Variants in SH3RF1 observed in about 807,000 individuals in gnomAD.
SH3RF1 encodes the protein E3 ubiquitin-protein ligase SH3RF1.
In SH3RF1, 32 loss-of-function variants were observed where a neutral mutation model predicts 74.0. The ratio of observed to expected loss-of-function variants is 0.43; its 90% CI spans 0.33 to 0.58. SH3RF1 has a LOEUF of 0.58. Among genes scored for constraint, SH3RF1 ranks in the 20% least tolerant of loss-of-function variants. The probability of loss-of-function intolerance (pLI) is 0.05; values close to 1 mark genes in which losing one functional copy is unlikely to be tolerated. For synonymous variants in SH3RF1, 396 were observed against 439.6 expected (o/e 0.90, Z 1.24); for missense variants, 954 against 1,130.9 (o/e 0.84, Z 2.24).
intron 6 of SH3RF1, among the ~76,000 whole-genome samples, chr4:169,126,491 C>T (rs1395928086): frequency 6.6e-6 from 1 of 152,238 alleles, no homozygotes; most frequent in East Asian, 1.9e-4. Context: ...TTCTGCTTAG[C>T]CTCCACCATG....
At chr4:169,246,861 G>A (rs1399600965) in intron 2 of SH3RF1, among the ~76,000 whole-genome samples, 1 of 151,996 alleles carries the variant, frequency 6.6e-6, no homozygotes, top group Non-Finnish European at 1.5e-5. Context: ...ATAATTCCCT[G>A]GTAAATATGA....
intron 2 of SH3RF1, among the ~76,000 whole-genome samples, chr4:169,189,748 A>G (rs2660427): frequency 0.47 from 71,491 of 151,978 alleles, 18,100 homozygotes; most frequent in East Asian, 0.78. Context: ...CGAATCCCCA[A>G]AGTTTAATTT....
At chr4:169,156,332 G>T in intron 3 of SH3RF1, 72 bp downstream of exon 3, 1 of 1,434,392 alleles carries the variant, frequency 7.0e-7, no homozygotes, top group Non-Finnish European at 9.2e-7. Flanking sequence ...AAGGCAACAC[G>T]AGCTATATTT....
At chr4:169,255,614 T>TACACAC (rs1192993515) in intron 2 of SH3RF1, among the ~76,000 whole-genome samples, 7 of 59,162 alleles carry the variant, frequency 1.2e-4, no homozygotes, top group East Asian at 1.1e-3. Flanking sequence ...CACACATACA[T>TACACAC]ACACACATAC....
Position 169,106,991 on chromosome 4 carries a change from A to C in SH3RF1, c.2354T>G (p.Val785Gly). ...ATCCTGGGCCAGGGCTGCTCCTGCC[A>C]CTGCAGTCGTGACCGGTCCGTCCCC... ...VDGDGPVTTA[V>G]AGAALAQDAF... The change falls in exon 11 of 12, where the codon GTG becomes GGG. Residue 785 changes from valine to glycine, a missense_variant. Physicochemically the swap from Val to Gly is moderately radical, Grantham distance 109 (BLOSUM62 -3). Around this residue, in one of 3 missense-constraint regions of SH3RF1, gnomAD observed 854 missense variants for 962.5 expected, o/e 0.89. Coordinates refer to ENST00000284637, the MANE Select transcript of SH3RF1 (RefSeq NM_020870.4). The C allele has an allele frequency of 6.2e-7, 1 of 1,613,958 alleles. No individual in the cohort carries two copies. Among genetic ancestry groups the C allele is most frequent in the South Asian group, 1.1e-5 (1 of 91,088 alleles).
intron 4 of SH3RF1, 152 bp from the exon 5 acceptor site, chr4:169,136,772 C>T (rs1478301594): frequency 1.6e-6 from 1 of 618,372 alleles, no homozygotes; most frequent in Admixed American, 3.8e-5. Flanking sequence ...TGAGATATCT[C>T]TTCTCTCAAT....
At chr4:169,188,912 C>T (rs1179412253) in intron 2 of SH3RF1, among the ~76,000 whole-genome samples, 1 of 152,156 alleles carries the variant, frequency 6.6e-6, no homozygotes, top group Non-Finnish European at 1.5e-5. Flanking sequence ...CAATGTACCA[C>T]TTGTAACTGA....
chr4:169,210,335 A>C (rs901037316), intron 2 of SH3RF1, among the ~76,000 whole-genome samples: 3 of 152,230 alleles, frequency 2.0e-5, no homozygotes, highest in Non-Finnish European at 4.4e-5. Context: ...TCTAATTCAC[A>C]TGAAGACAAA....
At position 169,268,957 on chromosome 4, in the gene SH3RF1, C is replaced by G; in HGVS notation, c.256G>C (p.Gly86Arg). Residue 86 changes from glycine to arginine, a missense_variant, in exon 2 of 12, where the codon GGT (glycine) becomes CGT (arginine). Physicochemically the swap from Gly to Arg is moderately radical, Grantham distance 125 (BLOSUM62 -2). Coordinates refer to ENST00000284637, the MANE Select transcript of SH3RF1 (RefSeq NM_020870.4). ...IKQRPWKPGP[G>R]GGSGTNCTNA... ...GTGCAGTTGGTCCCACTTCCCCCAC[C>G]AGGACCAGGTTTCCAAGGCCTCTGT... is the stretch of plus-strand genomic sequence containing the variant. 2.5e-6 allele frequency: 4 copies of G among 1,614,156 alleles called. No homozygotes were observed. The highest frequency in any genetic ancestry group is 3.4e-6 in the Non-Finnish European group (4 of 1,180,034).
chr4:169,255,239 T>C (rs548374999), intron 2 of SH3RF1, among the ~76,000 whole-genome samples: 1 of 152,158 alleles, frequency 6.6e-6, no homozygotes, highest in Non-Finnish European at 1.5e-5. Flanking sequence ...AATCAGTACG[T>C]GAATATTTTA....
chr4:169,267,878 A>G (rs1731379180), intron 2 of SH3RF1, among the ~76,000 whole-genome samples: 1 of 152,206 alleles, frequency 6.6e-6, no homozygotes, highest in South Asian at 2.1e-4. Context: ...CTTTAAAAGC[A>G]GATTTTACCA....
intron 2 of SH3RF1, among the ~76,000 whole-genome samples, chr4:169,218,572 C>T (rs1033862457): frequency 1.3e-5 from 2 of 150,618 alleles, no homozygotes; most frequent in African/African-American, 4.9e-5. Context: ...TTCCCTGGAG[C>T]CAGGAGAGCC....
intron 11 of SH3RF1, among the ~76,000 whole-genome samples, chr4:169,097,119 C>T (rs56299309): frequency 0.19 from 28,715 of 152,044 alleles, 2,944 homozygotes; most frequent in African/African-American, 0.27. Flanking sequence ...CTCTCTGAAC[C>T]GCCTGCCCAC....
chr4:169,101,044 A>G (rs954106231), intron 11 of SH3RF1, among the ~76,000 whole-genome samples: 1 of 152,160 alleles, frequency 6.6e-6, no homozygotes, highest in African/African-American at 2.4e-5. Flanking sequence ...AGAGGCCTCC[A>G]TGTATATGTC....
intron 4 of SH3RF1, among the ~76,000 whole-genome samples, chr4:169,143,694 C>A (rs1464087607): frequency 6.6e-6 from 1 of 152,190 alleles, no homozygotes; most frequent in Non-Finnish European, 1.5e-5. Context: ...ACTCCTAATA[C>A]AAGCCTCACT....
intron 2 of SH3RF1, among the ~76,000 whole-genome samples, chr4:169,161,883 T>A (rs948402413): frequency 2.6e-5 from 4 of 152,260 alleles, no homozygotes; most frequent in African/African-American, 4.8e-5. Flanking sequence ...AACAATTTTT[T>A]AAAAATATCT....
In SH3RF1 at chr4:169,222,424, C is replaced by CA. The variant is rs1730581905; in HGVS notation, c.393+46395dup. On this transcript the variant is annotated intron_variant, in intron 2 of 11. Transcript: ENST00000284637. ...AGGTTGCAGTGAACTGAGATTGCAC[C>CA]ACTACACTCCAGCCTGGGTGACAGA... Among the ~76,000 whole-genome samples the CA allele has an allele frequency of 2.6e-5, 4 of 151,784 alleles. No homozygotes were observed. The South Asian group carries it at 8.3e-4, about 32-fold the overall frequency.
intron 11 of SH3RF1, among the ~76,000 whole-genome samples, chr4:169,098,520 A>C (rs1732967124): frequency 6.6e-6 from 1 of 152,232 alleles, no homozygotes. Flanking sequence ...ACATCTCTGC[A>C]AAAGGTAAGT....
intron 2 of SH3RF1, among the ~76,000 whole-genome samples, chr4:169,174,933 C>T (rs1375892416): frequency 1.3e-5 from 2 of 152,168 alleles, no homozygotes; most frequent in Non-Finnish European, 2.9e-5. Context: ...CTTCACATCT[C>T]CTGTTGAATA....
Sources: gnomAD v4.1 joint callset for allele counts (sites outside exome capture counted in the v4.1 genomes callset) on GRCh38, gnomAD v4.1.1 for gene constraint, gnomAD v4.1.1 regional missense constraint, MANE v1.5 for transcripts, NCBI Gene and HGNC (gene_info 2026-07-23, HGNC 2026-07-21) for gene names.